Variants in METTL25 observed in about 807,000 individuals in gnomAD.
METTL25 encodes methyltransferase like 25, also known as probable methyltransferase-like protein 25.
Under a neutral mutation model 71.6 loss-of-function variants are expected in METTL25, and 64 were observed. That is an observed-to-expected ratio of 0.89 (90% CI 0.73 to 1.10). The LOEUF is 1.10. METTL25 is among the 50% of genes least tolerant of loss of function. The probability of loss-of-function intolerance (pLI) is 0.00; values close to 1 mark genes in which losing one functional copy is unlikely to be tolerated. For missense variants in METTL25, 807 were observed against 707.0 expected, an observed-to-expected ratio of 1.14 and a Z score of -1.60; for synonymous variants, 287 against 250.3, an observed-to-expected ratio of 1.15 and a Z score of -1.38.
intron 3 of METTL25, among the ~76,000 whole-genome samples, chr12:82,392,870 A>G (rs1398803710): frequency 6.6e-6 from 1 of 152,002 alleles, no homozygotes; most frequent in Non-Finnish European, 1.5e-5. Context: ...CAGTTTTACC[A>G]TTTACTGAAG....
intron 8 of METTL25, among the ~76,000 whole-genome samples, chr12:82,448,822 T>TGC (rs1592742311): frequency 7.9e-6 from 1 of 126,676 alleles, no homozygotes; most frequent in African/African-American, 2.8e-5. Flanking sequence ...AAATTTTATG[T>TGC]TGATCTTTTA....
At chr12:82,463,275 T>C (rs761475350) in intron 9 of METTL25, among the ~76,000 whole-genome samples, 4 of 152,016 alleles carry the variant, frequency 2.6e-5, no homozygotes, top group Non-Finnish European at 5.9e-5. Context: ...TATATTTTAC[T>C]TCTAGGAGAT....
chr12:82,385,415 C>G (rs1385572219), intron 1 of METTL25, among the ~76,000 whole-genome samples: 1 of 152,092 alleles, frequency 6.6e-6, no homozygotes, highest in Non-Finnish European at 1.5e-5. Flanking sequence ...TAGAACTAAA[C>G]TTCTTCCCTA....
At chr12:82,406,592 A>G (rs1887115444) in intron 5 of METTL25, among the ~76,000 whole-genome samples, 1 of 152,124 alleles carries the variant, frequency 6.6e-6, no homozygotes, top group African/African-American at 2.4e-5. Flanking sequence ...AGGCAGTGGT[A>G]CTCTTCTTTT....
intron 9 of METTL25, among the ~76,000 whole-genome samples, chr12:82,472,476 T>A (rs1406165957): frequency 6.6e-6 from 1 of 152,102 alleles, no homozygotes; most frequent in Non-Finnish European, 1.5e-5. Context: ...CGGGTGCCTG[T>A]AGTCCCAGCT....
At chr12:82,436,432 G>GCA (rs913543681) in intron 7 of METTL25, among the ~76,000 whole-genome samples, 5 of 151,648 alleles carry the variant, frequency 3.3e-5, no homozygotes, top group African/African-American at 1.2e-4. Flanking sequence ...GAATAGTCAG[G>GCA]CACAGACTGT....
At chr12:82,403,310 A>C (rs1027923479) in intron 5 of METTL25, among the ~76,000 whole-genome samples, 180 bp downstream of exon 5, 2 of 152,134 alleles carry the variant, frequency 1.3e-5, no homozygotes, top group African/African-American at 4.8e-5. Flanking sequence ...ATGCATCACC[A>C]CCTGTATATT....
Position 82,398,696 on chromosome 12 carries a change from T to G in METTL25, c.532-99T>G, listed in dbSNP as rs1886300415. The G allele has an allele frequency of 4.4e-6, 3 of 684,284 alleles. No individual in the cohort carries two copies. The South Asian group carries it at 1.8e-4, about 41-fold the overall frequency. 42.4% of individuals were successfully genotyped at this position (684,284 alleles called of 1,614,324 possible). On this transcript the variant is annotated intron_variant, in intron 3 of 11. Transcript: ENST00000248306. Reference sequence around the variant, plus strand: ...AATAAAAAAAAATTAAAATAATATTTAAGTTATATAACTCATTTGTTTACT... The same window carrying G: ...AATAAAAAAAAATTAAAATAATATTGAAGTTATATAACTCATTTGTTTACT...
At chr12:82,468,633 G>A (rs1404126112) in intron 9 of METTL25, 1 of 152,202 alleles carries the variant, frequency 6.6e-6, no homozygotes, top group Non-Finnish European at 1.5e-5. Flanking sequence ...TGGATCCTCA[G>A]ATGAAATTGT....
At chr12:82,413,006 A>G (rs1165407618) in intron 5 of METTL25, among the ~76,000 whole-genome samples, 2 of 152,062 alleles carry the variant, frequency 1.3e-5, no homozygotes, top group African/African-American at 2.4e-5. Flanking sequence ...TTATGCTTCA[A>G]AATAAATCCT....
intron 3 of METTL25, among the ~76,000 whole-genome samples, chr12:82,395,702 T>C (rs183109229): frequency 6.6e-6 from 1 of 152,150 alleles, no homozygotes; most frequent in Non-Finnish European, 1.5e-5. Flanking sequence ...CTAAACAACA[T>C]TGGGATACTC....
chr12:82,408,269 A>G (rs766669238), intron 5 of METTL25, among the ~76,000 whole-genome samples: 1 of 152,158 alleles, frequency 6.6e-6, no homozygotes, highest in Non-Finnish European at 1.5e-5. Context: ...GATGGGTCCT[A>G]GTCAAGTGCC....
At chr12:82,369,503 T>C (rs1592588499) in intron 1 of METTL25, 1 of 448,604 alleles carries the variant, frequency 2.2e-6, no homozygotes, top group South Asian at 1.6e-5. Context: ...CAGAGTTTCT[T>C]CCTTCTGGTG....
chr12:82,458,316 T>C (rs1052357655), intron 9 of METTL25, among the ~76,000 whole-genome samples: 2 of 152,120 alleles, frequency 1.3e-5, no homozygotes, highest in African/African-American at 4.8e-5. Flanking sequence ...AAACTGCCAC[T>C]CAGTCTTAGC....
intron 5 of METTL25, among the ~76,000 whole-genome samples, chr12:82,406,172 C>A (rs374797823): frequency 6.6e-6 from 1 of 152,126 alleles, no homozygotes; most frequent in African/African-American, 2.4e-5. Context: ...GGTGGAGATA[C>A]AAAAATGAGA....
chr12:82,466,583 G>C (rs1892247847), intron 9 of METTL25, among the ~76,000 whole-genome samples: 1 of 152,134 alleles, frequency 6.6e-6, no homozygotes, highest in South Asian at 2.1e-4. Flanking sequence ...TGGGTGAAAT[G>C]TTTTATAAAT....
intron 8 of METTL25, among the ~76,000 whole-genome samples, chr12:82,447,345 C>T (rs926977428): frequency 2.0e-5 from 3 of 152,066 alleles, no homozygotes; most frequent in African/African-American, 7.2e-5. Context: ...GAACAAAAAA[C>T]TCATTAATAG....
chr12:82,373,533 A>C (rs988894674), intron 1 of METTL25, among the ~76,000 whole-genome samples: 20 of 152,208 alleles, frequency 1.3e-4, no homozygotes, highest in Admixed American at 7.2e-4. Context: ...AAGCGGGACT[A>C]GCCTTGGAGA....
Position 82,367,656 on chromosome 12 carries a change from C to T in METTL25, c.259+8832C>T, listed in dbSNP as rs530291605. 3.0e-3 allele frequency among the ~76,000 whole-genome samples: 451 copies of T among 152,278 alleles called. 4 individuals are homozygous for T. The highest frequency in any genetic ancestry group is 0.01 in the African/African-American group (424 of 41,546). On this transcript the variant is annotated intron_variant, in intron 1 of 11. Transcript: ENST00000248306. The stretch of plus-strand genomic sequence containing the variant: ...TCTTGCCTTTAGACTGTATTTCATT[C>T]ATGTTGCCACTCAACAGCTTTCAGA...
Sources: allele counts gnomAD v4.1 joint callset (sites outside exome capture counted in the v4.1 genomes callset), GRCh38; gene constraint gnomAD v4.1.1; transcripts MANE v1.5; gene names NCBI Gene and HGNC (gene_info 2026-07-23, HGNC 2026-07-21).